The following PM20D2 variants were observed in gnomAD, a reference collection of about 807,000 sequenced individuals.
The protein encoded by PM20D2 is xaa-Arg dipeptidase.
Under a neutral mutation model 42.9 loss-of-function variants are expected in PM20D2, and 33 were observed. The observed-to-expected ratio is 0.77, with a 90% CI of 0.58 to 1.03. The LOEUF is 1.03. Among genes scored for constraint, PM20D2 ranks in the 50% least tolerant of loss-of-function variants. The pLI is 0.00. For synonymous variants in PM20D2, 250 were observed against 228.2 expected (o/e 1.10, Z -0.86); for missense variants, 548 against 557.0 (o/e 0.98, Z 0.16).
the PM20D2 span, among the ~76,000 whole-genome samples, chr6:89,134,891 G>C: frequency 4.6e-5 from 7 of 151,096 alleles, no homozygotes; most frequent in Non-Finnish European, 5.9e-5. Flanking sequence ...CTGATTTCTT[G>C]GGTAGCTCTG....
At chr6:89,098,367 T>C in the PM20D2 span, 1 of 474,098 alleles carries the variant, frequency 2.1e-6, no homozygotes, top group Non-Finnish European at 3.5e-6. Flanking sequence ...CATAAAATGG[T>C]GACATTAGAC....
At chr6:89,112,566 C>T in the PM20D2 span, among the ~76,000 whole-genome samples, 1 of 149,744 alleles carries the variant, frequency 6.7e-6, no homozygotes, top group African/African-American at 2.5e-5. Flanking sequence ...GCACGCATCA[C>T]CATGCCCGGC....
At chr6:89,126,689 G>T in the PM20D2 span, among the ~76,000 whole-genome samples, 1 of 77,178 alleles carries the variant, frequency 1.3e-5, no homozygotes, top group Non-Finnish European at 2.8e-5. Flanking sequence ...AAAAAAAAAA[G>T]GAGTTATTAG....
chr6:89,110,856 C>T, the PM20D2 span, among the ~76,000 whole-genome samples: 140 of 152,202 alleles, frequency 9.2e-4, no homozygotes, highest in African/African-American at 3.1e-3. Flanking sequence ...TGGCTGATAC[C>T]TGCAATACCA....
chr6:89,153,100 A>T lies in PM20D2; in HGVS notation c.672A>T (p.Gly224=), dbSNP rs2127777746. 6.2e-7 allele frequency: 1 copy of T among 1,611,590 alleles called. No homozygotes were observed. The highest frequency in any genetic ancestry group is 1.1e-5 in the South Asian group (1 of 90,906). ...ATTCTGCTTCTTATCCCTGGGAAGGATTAAATGCATTAGATGCTGCTGTGC... is the reference window on the plus strand; with the variant it reads ...ATTCTGCTTCTTATCCCTGGGAAGGTTTAAATGCATTAGATGCTGCTGTGC... ...ASHSASYPWE[G]LNALDAAVLA... is the part of the protein sequence containing the mutation. The change falls in exon 3 of 7, where the codon GGA becomes GGT. Residue 224 remains glycine (G), a synonymous_variant. Coordinates refer to ENST00000275072, the MANE Select transcript of PM20D2 (RefSeq NM_001010853.3).
chr6:89,137,450 C>A, the PM20D2 span, among the ~76,000 whole-genome samples: 1 of 152,156 alleles, frequency 6.6e-6, no homozygotes, highest in African/African-American at 2.4e-5. Context: ...ATTTGAAGAT[C>A]AAATTATTTT....
the PM20D2 span, among the ~76,000 whole-genome samples, chr6:89,100,455 T>A: frequency 6.6e-6 from 1 of 151,800 alleles, no homozygotes. Context: ...AGAAGAAAAC[T>A]GTCTTTGGAG....
At chr6:89,094,125 TG>T in the PM20D2 span, among the ~76,000 whole-genome samples, 1 of 151,882 alleles carries the variant, frequency 6.6e-6, no homozygotes, top group Non-Finnish European at 1.5e-5. Flanking sequence ...TTCACCATGT[TG>T]GCCATGCTGG....
intron 4 of PM20D2, among the ~76,000 whole-genome samples, chr6:89,157,200 G>A (rs1248273207): frequency 6.6e-6 from 1 of 151,970 alleles, no homozygotes; most frequent in Admixed American, 6.6e-5. Context: ...CAAAGTTCTG[G>A]GATTGCAGGT....
the PM20D2 span, among the ~76,000 whole-genome samples, chr6:89,103,656 C>T: frequency 1.3e-4 from 20 of 152,220 alleles, no homozygotes; most frequent in East Asian, 3.7e-3. Flanking sequence ...GACAGGATTT[C>T]ACCATATTGC....
the PM20D2 span, among the ~76,000 whole-genome samples, chr6:89,133,689 A>C: frequency 9.6e-4 from 145 of 150,936 alleles, 13 homozygotes; most frequent in African/African-American, 3.5e-3. Flanking sequence ...GAGGGGACAC[A>C]CTCTTTGTCC....
chr6:89,160,439 C>G (rs1164578992), intron 5 of PM20D2, among the ~76,000 whole-genome samples: 1 of 152,196 alleles, frequency 6.6e-6, no homozygotes, highest in Non-Finnish European at 1.5e-5. Flanking sequence ...TAAATGTTAG[C>G]TACTCTTTGT....
the PM20D2 span, among the ~76,000 whole-genome samples, chr6:89,129,293 G>A: frequency 6.6e-6 from 1 of 151,984 alleles, no homozygotes; most frequent in African/African-American, 2.4e-5. Flanking sequence ...TACACAGAAT[G>A]AAAAAAGGGG....
the PM20D2 span, among the ~76,000 whole-genome samples, chr6:89,126,393 TA>T: frequency 0.79 from 118,708 of 150,336 alleles, 47,060 homozygotes; most frequent in African/African-American, 0.86. Context: ...AGACCTGTCT[TA>T]AAAAAAAAAG....
chr6:89,099,504 GTA>G, the PM20D2 span, among the ~76,000 whole-genome samples: 75 of 74,198 alleles, frequency 1.0e-3, 2 homozygotes, highest in East Asian at 1.9e-3. Context: ...ATATATGTGT[GTA>G]TATATATATA....
At position 89,146,513 on chromosome 6, in the gene PM20D2, C is replaced by G. The variant is rs1770563109; in HGVS notation, c.369C>G (p.Ala123=). The G allele has an allele frequency of 6.6e-7, 1 of 1,521,486 alleles. No individual in the cohort carries two copies. Among genetic ancestry groups the G allele is most frequent in the South Asian group, 1.2e-5 (1 of 82,452 alleles). The allele number at this position is 1,521,486 out of a possible 1,614,324, so 94.2% of individuals were successfully genotyped here. Residue 123 remains alanine (A), a synonymous_variant, in exon 1 of 7, where the codon GCC becomes GCG. Transcript: ENST00000275072. ...EYDALPGIGH[A]CGHNLIAEVG... is the part of the protein sequence containing the mutation. The stretch of plus-strand genomic sequence containing the variant: ...ACGCGCTGCCCGGCATCGGCCACGC[C>G]TGCGGCCACAACCTCATCGCTGAGG...
chr6:89,129,366 C>T, the PM20D2 span, among the ~76,000 whole-genome samples: 1 of 152,190 alleles, frequency 6.6e-6, no homozygotes, highest in Non-Finnish European at 1.5e-5. Context: ...ATACTGCAAT[C>T]CTAGCCCTCT....
chr6:89,115,004 G>A, the PM20D2 span, among the ~76,000 whole-genome samples: 1 of 152,016 alleles, frequency 6.6e-6, no homozygotes, highest in Non-Finnish European at 1.5e-5. Context: ...TACCATGTTG[G>A]CCAGGCTGGT....
chr6:89,146,068 G>A lies in PM20D2; in HGVS notation c.-77G>A. 7.8e-7 allele frequency: 1 copy of A among 1,284,894 alleles called. No individual in the cohort carries two copies. The highest frequency in any genetic ancestry group is 1.0e-6 in the Non-Finnish European group (1 of 998,576). 79.6% of individuals were successfully genotyped at this position (1,284,894 alleles called of 1,614,324 possible). A position where few individuals can be genotyped will look rare whatever the true frequency, so the allele number is the denominator to read the frequency against. ...TCCGCCGGGGTCCTGGAGGCCTCTGGGCGCGTGCGCGGGCGGTCGCTACCT... is the reference window on the plus strand; with the variant it reads ...TCCGCCGGGGTCCTGGAGGCCTCTGAGCGCGTGCGCGGGCGGTCGCTACCT... On this transcript the variant is annotated 5_prime_UTR_variant, in exon 1 of 7. Transcript: ENST00000275072.
Sources: gnomAD v4.1 joint callset for allele counts (sites outside exome capture counted in the v4.1 genomes callset) on GRCh38, gnomAD v4.1.1 for gene constraint, MANE v1.5 for transcripts, NCBI Gene and HGNC (gene_info 2026-07-23, HGNC 2026-07-21) for gene names.